SGCD: variants seen among roughly 807,000 people sequenced by gnomAD.
SGCD encodes the protein sarcoglycan delta.
A neutral mutation model predicts 36.6 loss-of-function variants in SGCD; 18 were observed. The observed-to-expected ratio is 0.49, with a 90% CI of 0.34 to 0.73. The LOEUF is 0.73. Among genes scored for constraint, SGCD ranks in the 30% least tolerant of loss-of-function variants. The pLI, the probability that SGCD is intolerant of heterozygous loss-of-function variation, is 0.01. For missense variants in SGCD, 387 were observed against 346.7 expected (o/e 1.12, Z -0.92); for synonymous variants, 133 against 130.6 (o/e 1.02, Z -0.12).
chr5:156,507,982 AAAG>A (rs1246507553), intron 3 of SGCD, among the ~76,000 whole-genome samples: 1 of 151,180 alleles, frequency 6.6e-6, no homozygotes, highest in Non-Finnish European at 1.5e-5. Context: ...ATATTTAAAC[AAAG>A]AAGGGGAGTG....
chr5:156,514,645 A>G (rs568652284), intron 4 of SGCD, among the ~76,000 whole-genome samples: 1 of 152,348 alleles, frequency 6.6e-6, no homozygotes, highest in Admixed American at 6.5e-5. Context: ...AGAATTATAA[A>G]GTCATATATA....
At chr5:156,072,114 C>A (rs995204327) in intron 1 of SGCD, among the ~76,000 whole-genome samples, 14 of 152,098 alleles carry the variant, frequency 9.2e-5, no homozygotes, top group Non-Finnish European at 1.8e-4. Flanking sequence ...TTAATTGGAG[C>A]ATTTAGTCCA....
intron 1 of SGCD, among the ~76,000 whole-genome samples, chr5:156,017,271 A>C (rs1759005273): frequency 6.6e-6 from 1 of 151,924 alleles, no homozygotes; most frequent in African/African-American, 2.4e-5. Flanking sequence ...TCTTCTTCTT[A>C]TTTTTCATTT....
chr5:156,125,407 A>G (rs1762146401), intron 3 of SGCD, among the ~76,000 whole-genome samples: 1 of 151,942 alleles, frequency 6.6e-6, no homozygotes, highest in South Asian at 2.1e-4. Context: ...GCTCTTAGCT[A>G]GTCATGAATG....
intron 3 of SGCD, among the ~76,000 whole-genome samples, chr5:156,279,390 A>G (rs999452526): frequency 5.3e-5 from 8 of 152,184 alleles, no homozygotes; most frequent in African/African-American, 1.9e-4. Context: ...CAAGCCTAAC[A>G]CTTAGAGTTT....
chr5:156,429,969 T>TAC (rs1773859777), intron 3 of SGCD, among the ~76,000 whole-genome samples: 1 of 152,142 alleles, frequency 6.6e-6, no homozygotes, highest in Non-Finnish European at 1.5e-5. Flanking sequence ...CTCAATACTT[T>TAC]TTCTTGACTT....
At chr5:155,757,592 T>G in the SGCD span, among the ~76,000 whole-genome samples, 1 of 152,174 alleles carries the variant, frequency 6.6e-6, no homozygotes, top group Non-Finnish European at 1.5e-5. Context: ...ACCCAGCTAC[T>G]GTACTCTCCT....
intron 7 of SGCD, among the ~76,000 whole-genome samples, chr5:156,712,316 G>A (rs1755027916): frequency 6.6e-6 from 1 of 152,084 alleles, no homozygotes; most frequent in Admixed American, 6.5e-5. Flanking sequence ...TCCAGGATGG[G>A]GTAAGGTATG....
At chr5:156,135,435 C>T (rs1377356924) in intron 3 of SGCD, among the ~76,000 whole-genome samples, 2 of 152,300 alleles carry the variant, frequency 1.3e-5, no homozygotes, top group Non-Finnish European at 2.9e-5. Flanking sequence ...TACCCCTCTT[C>T]CCTGTAGCCT....
At chr5:156,523,427 T>G (rs1215401896) in intron 4 of SGCD, among the ~76,000 whole-genome samples, 1 of 152,154 alleles carries the variant, frequency 6.6e-6, no homozygotes, top group Non-Finnish European at 1.5e-5. Context: ...ATCTAATCAC[T>G]GGGATGATAT....
At chr5:156,125,750 G>A (rs143674631) in intron 3 of SGCD, among the ~76,000 whole-genome samples, 29 of 151,534 alleles carry the variant, frequency 1.9e-4, no homozygotes, top group African/African-American at 7.0e-4. Context: ...ATACAACACA[G>A]TGTACCTTTA....
intron 7 of SGCD, among the ~76,000 whole-genome samples, chr5:156,679,324 C>A (rs987728836): frequency 6.6e-6 from 1 of 152,074 alleles, no homozygotes; most frequent in African/African-American, 2.4e-5. Context: ...AAAAGGATAC[C>A]GCCTCTGAGG....
chr5:155,728,216 C>G, the SGCD span, among the ~76,000 whole-genome samples: 1 of 152,102 alleles, frequency 6.6e-6, no homozygotes, highest in Non-Finnish European at 1.5e-5. Flanking sequence ...CCTCCAGCCC[C>G]GCCAGCCGGA....
intron 1 of SGCD, among the ~76,000 whole-genome samples, chr5:156,028,220 T>A (rs1249539879): frequency 2.0e-5 from 3 of 152,194 alleles, no homozygotes; most frequent in Admixed American, 6.5e-5. Flanking sequence ...AATGGCAGTA[T>A]CGAAGACAGG....
chr5:156,231,617 C>T (rs766211726), intron 3 of SGCD, among the ~76,000 whole-genome samples: 7 of 152,236 alleles, frequency 4.6e-5, no homozygotes, highest in Non-Finnish European at 1.0e-4. Context: ...GATAAGAGGA[C>T]TTACTGATGC....
intron 3 of SGCD, among the ~76,000 whole-genome samples, chr5:156,375,186 G>T (rs2127742937): frequency 6.6e-6 from 1 of 152,020 alleles, no homozygotes; most frequent in South Asian, 2.1e-4. Flanking sequence ...TTTTCCGTCT[G>T]CTTCCCCATA....
intron 5 of SGCD, among the ~76,000 whole-genome samples, chr5:156,591,876 A>C (rs2113378144): frequency 6.6e-6 from 1 of 152,264 alleles, no homozygotes; most frequent in South Asian, 2.1e-4. Context: ...TCAACAAAGG[A>C]CAAGCCATCT....
chr5:155,871,108 G>C (rs997263415), intron 1 of SGCD, among the ~76,000 whole-genome samples: 1 of 152,016 alleles, frequency 6.6e-6, no homozygotes, highest in East Asian at 1.9e-4. Flanking sequence ...GTCAGAGAGA[G>C]GACCCAACAG....
intron 4 of SGCD, among the ~76,000 whole-genome samples, chr5:156,541,247 G>A (rs1758337104): frequency 6.6e-6 from 1 of 152,178 alleles, no homozygotes; most frequent in African/African-American, 2.4e-5. Context: ...TGGAGGGCTG[G>A]GGTTTTGCCC....
Sources: allele counts gnomAD v4.1 joint callset (sites outside exome capture counted in the v4.1 genomes callset), GRCh38; gene constraint gnomAD v4.1.1; transcripts MANE v1.5; gene names NCBI Gene and HGNC (gene_info 2026-07-23, HGNC 2026-07-21).